Variants in PPP4R1 observed in about 807,000 individuals in gnomAD.
PPP4R1 encodes protein phosphatase 4 regulatory subunit 1.
PPP4R1 carries 42 observed loss-of-function variants against 111.2 expected under a neutral mutation model. The observed-to-expected ratio is 0.38, with a 90% CI of 0.29 to 0.49. The LOEUF (loss-of-function observed/expected upper bound fraction) is 0.49, where lower values mean the gene tolerates loss of function less well. PPP4R1 is among the 20% of genes least tolerant of loss of function. PPP4R1 has a pLI of 0.97. For missense variants in PPP4R1, 1,012 were observed against 1,161.6 expected (o/e 0.87, Z 1.87); for synonymous variants, 409 against 405.5 (o/e 1.01, Z -0.10).
chr18:9,576,429 T>C (rs1364178851), intron 10 of PPP4R1, among the ~76,000 whole-genome samples: 1 of 151,934 alleles, frequency 6.6e-6, no homozygotes, highest in Non-Finnish European at 1.5e-5. Context: ...TTAAATTTAA[T>C]AGAAAATTTT....
chr18:9,548,682 T>C (rs8093600), intron 19 of PPP4R1, among the ~76,000 whole-genome samples: 15,693 of 152,238 alleles, frequency 0.1, 856 homozygotes, highest in African/African-American at 0.12. Flanking sequence ...TTTGGGAGGC[T>C]GAGGCAGGCA....
At chr18:9,599,988 G>A (rs1568124623) in intron 2 of PPP4R1, among the ~76,000 whole-genome samples, 1 of 152,058 alleles carries the variant, frequency 6.6e-6, no homozygotes, top group African/African-American at 2.4e-5. Context: ...AGGCTCAGGA[G>A]CATTTATTTT....
rs767750698 is a variant in PPP4R1 at position 9,559,370 on chromosome 18, T to C, written c.2028+49A>G. The C allele has an allele frequency of 1.3e-5, 19 of 1,507,064 alleles. No individual in the cohort carries two copies. In the South Asian group the frequency reaches 2.4e-4, roughly 19 times the overall value. The allele number at this position is 1,507,064 out of a possible 1,614,324, so 93.4% of individuals were successfully genotyped here. A position where few individuals can be genotyped will look rare whatever the true frequency, so the allele number is the denominator to read the frequency against. On this transcript the variant is annotated intron_variant, in intron 14 of 19. Transcript: ENST00000400556. The stretch of plus-strand genomic sequence containing the variant: ...CTTTAGGTTACAAAAAGCAAAGCAC[T>C]GTGCCTTCCACATGCACGTTCTGCT...
At chr18:9,612,141 C>T (rs2067592307) in intron 2 of PPP4R1, among the ~76,000 whole-genome samples, 1 of 152,186 alleles carries the variant, frequency 6.6e-6, no homozygotes, top group Admixed American at 6.5e-5. Context: ...CTCATAACAG[C>T]AAACATAATC....
intron 9 of PPP4R1, 77 bp downstream of exon 9, chr18:9,583,040 T>C: frequency 7.8e-7 from 1 of 1,281,466 alleles, no homozygotes; most frequent in Middle Eastern, 2.5e-4. Flanking sequence ...AAGTTATTTC[T>C]TATGAGGTCA....
intron 2 of PPP4R1, among the ~76,000 whole-genome samples, chr18:9,598,320 G>A (rs963925369): frequency 2.0e-5 from 3 of 152,126 alleles, no homozygotes; most frequent in Admixed American, 6.5e-5. Context: ...ACAGATTCAA[G>A]GGGTTCAATG....
intron 2 of PPP4R1, among the ~76,000 whole-genome samples, chr18:9,611,502 G>A (rs929515412): frequency 6.6e-6 from 1 of 152,196 alleles, no homozygotes; most frequent in Non-Finnish European, 1.5e-5. Context: ...CTTCACAAGA[G>A]ATGGGAAGTG....
intron 11 of PPP4R1, among the ~76,000 whole-genome samples, chr18:9,564,438 C>T (rs2145069478): frequency 6.6e-6 from 1 of 152,284 alleles, no homozygotes; most frequent in Admixed American, 6.5e-5. Context: ...ACAACAGACA[C>T]ACAAGCAACA....
At chr18:9,548,339 C>T (rs1487328698) in intron 19 of PPP4R1, among the ~76,000 whole-genome samples, 1 of 151,288 alleles carries the variant, frequency 6.6e-6, no homozygotes, top group African/African-American at 2.4e-5. Flanking sequence ...TTGACATCTA[C>T]TACAAACTTC....
chr18:9,565,652 A>T (rs1598906170), intron 11 of PPP4R1, among the ~76,000 whole-genome samples: 2 of 152,270 alleles, frequency 1.3e-5, no homozygotes, highest in Non-Finnish European at 2.9e-5. Flanking sequence ...CAAACCAGCC[A>T]CAACGTTCTC....
chr18:9,576,870 C>T (rs2066944441), intron 10 of PPP4R1, among the ~76,000 whole-genome samples, 194 bp downstream of exon 10: 1 of 150,696 alleles, frequency 6.6e-6, no homozygotes, highest in Admixed American at 6.6e-5. Context: ...AATATGTAAC[C>T]AACCAAAGAG....
At chr18:9,579,273 A>T (rs540831698) in intron 9 of PPP4R1, among the ~76,000 whole-genome samples, 1 of 152,348 alleles carries the variant, frequency 6.6e-6, no homozygotes, top group African/African-American at 2.4e-5. Context: ...ACTAGTTTCA[A>T]TGACTTTAAG....
rs113826727 is a variant in PPP4R1, at chr18:9,609,052, GTCTC to G, written c.52+5170_52+5173del. On this transcript the variant is annotated intron_variant, in intron 2 of 19. Coordinates refer to ENST00000400556, the MANE Select transcript of PPP4R1 (RefSeq NM_001042388.3). ...TATTTACAAAGGGGTTTTTCTCTCTGTCTCTCTCTCTCTCTCTTTCAATTTTATG... is the reference window on the plus strand; with the variant it reads ...TATTTACAAAGGGGTTTTTCTCTCTGTCTCTCTCTCTCTTTCAATTTTATG... Among the ~76,000 whole-genome samples the G allele has an allele frequency of 5.4e-3, 818 of 151,302 alleles. 11 individuals carry two copies. Among genetic ancestry groups the G allele is most frequent in the African/African-American group, 0.018 (730 of 41,266 alleles).
intron 11 of PPP4R1, among the ~76,000 whole-genome samples, chr18:9,565,315 G>A (rs1360189810): frequency 6.6e-6 from 1 of 152,072 alleles, no homozygotes; most frequent in African/African-American, 2.4e-5. Context: ...TCTCTCTCCT[G>A]TCTCCCTATT....
chr18:9,549,267 T>C lies in PPP4R1; in HGVS notation c.2619A>G (p.Leu873=). ...GCACGTTAGGAACCCTGTCATTTGC[T>C]AAGGTTAGCAGATGCGGCATGAGAT... ...AVHLMPHLLT[L]ANDRVPNVRV... is the part of the protein sequence containing the mutation. The change falls in exon 19 of 20, where the codon TTA becomes TTG. Residue 873 remains leucine, a synonymous_variant. Transcript: ENST00000400556. The C allele has an allele frequency of 1.2e-6, 2 of 1,614,040 alleles. No individual in the cohort carries two copies. The highest frequency in any genetic ancestry group is 1.7e-5 in the Admixed American group (1 of 60,016).
intron 16 of PPP4R1, chr18:9,551,316 C>T (rs2066484704): frequency 6.6e-6 from 1 of 152,160 alleles, no homozygotes; most frequent in Non-Finnish European, 1.5e-5. Flanking sequence ...GAGAACTGCC[C>T]CTCAGCAGAG....
intron 10 of PPP4R1, among the ~76,000 whole-genome samples, chr18:9,574,324 A>C (rs1489225456): frequency 6.6e-6 from 1 of 152,228 alleles, no homozygotes; most frequent in African/African-American, 2.4e-5. Context: ...TAGAAAATTA[A>C]TTACAGGTAT....
upstream of PPP4R1, chr18:9,614,814 C>T (rs2067664916): frequency 6.7e-6 from 1 of 149,278 alleles, no homozygotes; most frequent in Admixed American, 6.7e-5. The surrounding 1 kb of genome is among the most constrained non-coding windows in gnomAD (Gnocchi z 4.1). Flanking sequence ...CCCGAGCCGC[C>T]CTCACGCCGA....
chr18:9,557,032 A>G, intron 15 of PPP4R1, 189 bp downstream of exon 15: 1 of 496,684 alleles, frequency 2.0e-6, no homozygotes, highest in Non-Finnish European at 3.5e-6. Context: ...CTATCATCTA[A>G]TACTGTTTTA....
Sources: gnomAD v4.1 joint callset for allele counts (sites outside exome capture counted in the v4.1 genomes callset) on GRCh38, gnomAD v4.1.1 for gene constraint, Gnocchi (gnomAD v3.1) non-coding constraint, MANE v1.5 for transcripts, NCBI Gene and HGNC (gene_info 2026-07-23, HGNC 2026-07-21) for gene names.